The following NPAS2 variants were observed in gnomAD, a reference collection of about 807,000 sequenced individuals.
NPAS2 encodes neuronal PAS domain-containing protein 2.
In NPAS2, 23 loss-of-function variants were observed where a neutral mutation model predicts 107.5. The ratio of observed to expected loss-of-function variants is 0.21; its 90% CI spans 0.15 to 0.30. NPAS2 has a LOEUF of 0.30. Ranked by LOEUF, NPAS2 falls within the 10% of genes least tolerant of loss-of-function variation. The pLI is 1.00. For synonymous variants in NPAS2, 403 were observed against 417.5 expected (o/e 0.97, Z 0.42); for missense variants, 756 against 1,043.3 (o/e 0.72, Z 3.79).
intron 5 of NPAS2, 90 bp from the exon 6 acceptor site, chr2:100,948,145 C>T: frequency 1.4e-6 from 2 of 1,422,496 alleles, no homozygotes; most frequent in Non-Finnish European, 1.9e-6. Flanking sequence ...GAAACCAGTT[C>T]TGCGTTGTTG....
chr2:100,836,444 AG>A (rs1677066313), intron 1 of NPAS2, among the ~76,000 whole-genome samples: 1 of 152,176 alleles, frequency 6.6e-6, no homozygotes, highest in South Asian at 2.1e-4. Flanking sequence ...AGAGAGTTCT[AG>A]GAAACAACAC....
At chr2:100,848,021 C>G (rs376560838) in intron 1 of NPAS2, among the ~76,000 whole-genome samples, 25 of 152,120 alleles carry the variant, frequency 1.6e-4, no homozygotes, top group African/African-American at 5.8e-4. Context: ...GAGGGGACCC[C>G]TGGACCTTAT....
At chr2:100,966,228 G>A (rs1344826587) in intron 10 of NPAS2, among the ~76,000 whole-genome samples, 1 of 152,168 alleles carries the variant, frequency 6.6e-6, no homozygotes, top group East Asian at 1.9e-4. Context: ...TTCTGGGAAA[G>A]CCAGAAATGG....
chr2:100,977,663 CTGGAA>C, intron 14 of NPAS2, 42 bp from the exon 15 acceptor site: 1 of 1,535,596 alleles, frequency 6.5e-7, no homozygotes, highest in Non-Finnish European at 9.0e-7. Flanking sequence ...TCCCTGTCCC[CTGGAA>C]TGGCAGAAGC....
At chr2:100,937,248 T>G (rs1252058238) in intron 4 of NPAS2, among the ~76,000 whole-genome samples, 1 of 152,220 alleles carries the variant, frequency 6.6e-6, no homozygotes, top group African/African-American at 2.4e-5. Context: ...GCATTTCTCT[T>G]GTGGCAATGA....
Position 100,982,435 on chromosome 2 carries a change from C to T in NPAS2, c.1629+58C>T, listed in dbSNP as rs140797382. On this transcript the variant is annotated intron_variant, in intron 16 of 20. Transcript: ENST00000335681. Reference sequence around the variant, plus strand: ...GCTGCTGTGTGGGAAGGGGTCCTGCCGCCATTTCCGGGCAGCCAGGACTTC... The same window carrying T: ...GCTGCTGTGTGGGAAGGGGTCCTGCTGCCATTTCCGGGCAGCCAGGACTTC... 5.4e-3 allele frequency: 8,607 copies of T among 1,585,594 alleles called. 20 individuals carry two copies. Among genetic ancestry groups the T allele is most frequent in the Non-Finnish European group, 6.4e-3 (7,441 of 1,166,366 alleles).
intron 7 of NPAS2, among the ~76,000 whole-genome samples, chr2:100,953,804 C>T (rs189282930): frequency 8.5e-5 from 13 of 152,328 alleles, no homozygotes; most frequent in Non-Finnish European, 1.8e-4. Context: ...AGGCCCGCTC[C>T]GGCCTCCTGG....
chr2:100,878,281 A>G, intron 1 of NPAS2: 1 of 985,422 alleles, frequency 1.0e-6, no homozygotes, highest in Non-Finnish European at 1.2e-6. Context: ...GGGAGCCAGG[A>G]GTGAGGCAAG....
chr2:100,900,573 C>T (rs1681709249), intron 1 of NPAS2, among the ~76,000 whole-genome samples: 1 of 152,246 alleles, frequency 6.6e-6, no homozygotes, highest in Middle Eastern at 3.4e-3. Context: ...GATATATACA[C>T]CCAAGAGGAA....
chr2:100,829,866 C>T (rs1314943684), intron 1 of NPAS2, among the ~76,000 whole-genome samples: 1 of 152,206 alleles, frequency 6.6e-6, no homozygotes, highest in East Asian at 1.9e-4. Flanking sequence ...AAGCACCACT[C>T]TTGGGCATGG....
chr2:100,853,465 G>A (rs1203542844), intron 1 of NPAS2, among the ~76,000 whole-genome samples: 1 of 152,210 alleles, frequency 6.6e-6, no homozygotes, highest in Non-Finnish European at 1.5e-5. Context: ...CATATTTGCT[G>A]TCACGCTGGG....
chr2:100,939,191 G>A (rs2104986214), intron 5 of NPAS2, among the ~76,000 whole-genome samples: 1 of 152,298 alleles, frequency 6.6e-6, no homozygotes, highest in African/African-American at 2.4e-5. Flanking sequence ...ATGATGCTGT[G>A]TGCAGATCGA....
intron 1 of NPAS2, among the ~76,000 whole-genome samples, chr2:100,874,187 G>A (rs893936479): frequency 6.6e-6 from 1 of 151,824 alleles, no homozygotes; most frequent in Admixed American, 6.6e-5. Context: ...GTTTTACCAT[G>A]TTGGCCAGGC....
chr2:100,923,202 C>T (rs989192118), intron 2 of NPAS2, among the ~76,000 whole-genome samples: 7 of 151,976 alleles, frequency 4.6e-5, no homozygotes, highest in South Asian at 2.1e-4. Flanking sequence ...GAGAGTGGCT[C>T]GGCGAGGGAC....
chr2:100,921,250 G>A (rs1683207388), intron 2 of NPAS2, among the ~76,000 whole-genome samples: 1 of 152,230 alleles, frequency 6.6e-6, no homozygotes, highest in African/African-American at 2.4e-5. Context: ...CAGCCTCTCA[G>A]TGCCTCGCTC....
At chr2:100,887,797 C>T (rs771998774) in intron 1 of NPAS2, among the ~76,000 whole-genome samples, 6 of 152,136 alleles carry the variant, frequency 3.9e-5, no homozygotes, top group Admixed American at 1.3e-4. Flanking sequence ...TGGGATCAGC[C>T]GAGGGCCTGG....
At chr2:100,912,799 A>G (rs1415766686) in intron 2 of NPAS2, among the ~76,000 whole-genome samples, 2 of 152,242 alleles carry the variant, frequency 1.3e-5, no homozygotes, top group Non-Finnish European at 2.9e-5. Context: ...GCTGCTATCT[A>G]TTCATCAGGA....
chr2:100,865,162 A>C (rs1679176809), intron 1 of NPAS2, among the ~76,000 whole-genome samples: 1 of 152,224 alleles, frequency 6.6e-6, no homozygotes, highest in Admixed American at 6.5e-5. Context: ...TGAGCTCCCA[A>C]GGGGTCACCA....
At chr2:100,878,164 A>G (rs1036625911) in intron 1 of NPAS2, 9 of 985,310 alleles carry the variant, frequency 9.1e-6, no homozygotes, top group Non-Finnish European at 1.1e-5. Context: ...TCCAGGGACC[A>G]GGTCAGTGCG....
Sources: gnomAD v4.1 joint callset for allele counts (sites outside exome capture counted in the v4.1 genomes callset) on GRCh38, gnomAD v4.1.1 for gene constraint, MANE v1.5 for transcripts, NCBI Gene and HGNC (gene_info 2026-07-23, HGNC 2026-07-21) for gene names.